The following EPHA3 variants were observed in gnomAD, a reference collection of about 807,000 sequenced individuals.
EPHA3 encodes the protein EPH receptor A3.
A neutral mutation model predicts 107.1 loss-of-function variants in EPHA3; 42 were observed. The ratio of observed to expected loss-of-function variants is 0.39; its 90% CI spans 0.31 to 0.51. The LOEUF is 0.51. Among genes scored for constraint, EPHA3 ranks in the 20% least tolerant of loss-of-function variants. The probability of loss-of-function intolerance (pLI) is 0.78; values close to 1 mark genes in which losing one functional copy is unlikely to be tolerated. For synonymous variants in EPHA3, 461 were observed against 424.8 expected (o/e 1.09, Z -1.05); for missense variants, 1,183 against 1,211.2 (o/e 0.98, Z 0.35).
chr3:89,230,989 T>A (rs1329231794), intron 3 of EPHA3, among the ~76,000 whole-genome samples: 1 of 152,130 alleles, frequency 6.6e-6, no homozygotes, highest in Non-Finnish European at 1.5e-5. Context: ...TATTTTTTAA[T>A]AATATTATGT....
chr3:89,265,394 C>T (rs570166461), intron 3 of EPHA3, among the ~76,000 whole-genome samples: 5 of 152,172 alleles, frequency 3.3e-5, no homozygotes, highest in South Asian at 2.1e-4. Flanking sequence ...AATAGCTCTG[C>T]GTAGTTCTAC....
intron 10 of EPHA3, among the ~76,000 whole-genome samples, chr3:89,413,832 C>T (rs1709199163): frequency 6.6e-6 from 1 of 151,378 alleles, no homozygotes; most frequent in African/African-American, 2.4e-5. Context: ...TTAATTTAAA[C>T]AATGATAAAT....
chr3:89,206,815 A>G (rs1323404312), intron 2 of EPHA3, among the ~76,000 whole-genome samples: 2 of 152,192 alleles, frequency 1.3e-5, no homozygotes, highest in Non-Finnish European at 2.9e-5. Context: ...TGAAAATTGT[A>G]TATTGGCAAT....
chr3:89,165,796 T>C (rs2107082821), intron 2 of EPHA3, among the ~76,000 whole-genome samples: 1 of 152,320 alleles, frequency 6.6e-6, no homozygotes, highest in East Asian at 1.9e-4. Flanking sequence ...TAAAGGCCCC[T>C]GCCGTTCTGG....
intron 3 of EPHA3, among the ~76,000 whole-genome samples, chr3:89,247,087 A>G (rs1337017157): frequency 6.6e-6 from 1 of 152,176 alleles, no homozygotes; most frequent in South Asian, 2.1e-4. Context: ...TTTTCTAGAT[A>G]CCGGGAATAA....
At chr3:89,125,702 A>G (rs1559742285) in intron 1 of EPHA3, among the ~76,000 whole-genome samples, 1 of 151,650 alleles carries the variant, frequency 6.6e-6, no homozygotes, top group Admixed American at 6.6e-5. Flanking sequence ...GGTAAAGTTT[A>G]TGTTTGTCTT....
chr3:89,214,352 A>T (rs1704175883), intron 3 of EPHA3, among the ~76,000 whole-genome samples: 1 of 151,952 alleles, frequency 6.6e-6, no homozygotes, highest in Admixed American at 6.6e-5. Context: ...AAGGTATTTG[A>T]ACGTCATTAT....
chr3:89,161,079 G>T (rs1704927986), intron 2 of EPHA3, among the ~76,000 whole-genome samples: 1 of 152,114 alleles, frequency 6.6e-6, no homozygotes. Flanking sequence ...ACATCACGCA[G>T]CTTCTAAAAA....
At chr3:89,362,843 T>G (rs1708120998) in intron 5 of EPHA3, among the ~76,000 whole-genome samples, 2 of 150,936 alleles carry the variant, frequency 1.3e-5, no homozygotes, top group African/African-American at 4.8e-5. Context: ...TCTTCCCAGT[T>G]AAAAGAAAAT....
chr3:89,203,106 C>A (rs2107165349), intron 2 of EPHA3, among the ~76,000 whole-genome samples: 1 of 152,150 alleles, frequency 6.6e-6, no homozygotes, highest in South Asian at 2.1e-4. Flanking sequence ...ACTCAGAATT[C>A]ACGGAAGCTG....
At chr3:89,134,354 C>T (rs1704267627) in intron 2 of EPHA3, among the ~76,000 whole-genome samples, 1 of 152,028 alleles carries the variant, frequency 6.6e-6, no homozygotes, top group South Asian at 2.1e-4. Flanking sequence ...TCTCCTAATG[C>T]TATCCCTCCC....
chr3:89,210,763 T>A (rs1435718710), intron 3 of EPHA3, among the ~76,000 whole-genome samples: 1 of 152,156 alleles, frequency 6.6e-6, no homozygotes, highest in Non-Finnish European at 1.5e-5. Context: ...GTGTTATACA[T>A]GCTATATTTA....
intron 3 of EPHA3, among the ~76,000 whole-genome samples, chr3:89,337,674 G>A (rs532895856): frequency 3.9e-5 from 6 of 152,188 alleles, no homozygotes; most frequent in Non-Finnish European, 8.8e-5. Context: ...CTGGACTTCA[G>A]TGACCTCAGA....
At chr3:89,194,215 C>A (rs1310486937) in intron 2 of EPHA3, among the ~76,000 whole-genome samples, 1 of 151,876 alleles carries the variant, frequency 6.6e-6, no homozygotes, top group South Asian at 2.1e-4. Flanking sequence ...GATGTGCTAA[C>A]AAAACGATAT....
chr3:89,442,977 T>C (rs1401187042), intron 13 of EPHA3, among the ~76,000 whole-genome samples: 1 of 152,222 alleles, frequency 6.6e-6, no homozygotes, highest in East Asian at 1.9e-4. Flanking sequence ...GATGTTCTAT[T>C]TTCATTTTAT....
Position 89,123,977 on chromosome 3 carries a change from G to A in EPHA3, c.89-3232G>A, listed in dbSNP as rs150809435. Among the ~76,000 whole-genome samples the A allele has an allele frequency of 7.6e-4, 115 of 152,290 alleles. 1 individual carries two copies. Among genetic ancestry groups the A allele is most frequent in the African/African-American group, 2.6e-3 (106 of 41,566 alleles). The stretch of plus-strand genomic sequence containing the variant: ...TAACTGGCATGAGACAGCCATTAAA[G>A]AATGAAGTCATGCATATGTTCCTAT... On this transcript the variant is annotated intron_variant, in intron 1 of 16. Coordinates refer to ENST00000336596, the MANE Select transcript of EPHA3 (RefSeq NM_005233.6).
chr3:89,235,820 A>G (rs1325408461), intron 3 of EPHA3, among the ~76,000 whole-genome samples: 1 of 151,876 alleles, frequency 6.6e-6, no homozygotes, highest in African/African-American at 2.4e-5. Flanking sequence ...AAAGTAAAAA[A>G]AGTTACAAAC....
intron 2 of EPHA3, among the ~76,000 whole-genome samples, chr3:89,150,104 G>C (rs905290986): frequency 6.6e-6 from 1 of 151,872 alleles, no homozygotes. Flanking sequence ...ATTTGGATGG[G>C]AAAGTATATG....
intron 3 of EPHA3, among the ~76,000 whole-genome samples, chr3:89,320,973 A>C (rs538278127): frequency 6.6e-6 from 1 of 152,108 alleles, no homozygotes; most frequent in African/African-American, 2.4e-5. Flanking sequence ...AGAGGAAGAA[A>C]TGATGGGCTA....
Sources: gnomAD v4.1 joint callset for allele counts (sites outside exome capture counted in the v4.1 genomes callset) on GRCh38, gnomAD v4.1.1 for gene constraint, MANE v1.5 for transcripts, NCBI Gene and HGNC (gene_info 2026-07-23, HGNC 2026-07-21) for gene names.